The following BMP1 variants were observed in gnomAD, a reference collection of about 807,000 sequenced individuals.
The protein encoded by BMP1 is bone morphogenetic protein 1, also known as mammalian tolloid protein.
A neutral mutation model predicts 116.8 loss-of-function variants in BMP1; 63 were observed. The observed-to-expected ratio is 0.54, with a 90% CI of 0.44 to 0.67. The LOEUF (loss-of-function observed/expected upper bound fraction) is 0.67, where lower values mean the gene tolerates loss of function less well. BMP1 is among the 30% of genes least tolerant of loss of function. The pLI, the probability that BMP1 is intolerant of heterozygous loss-of-function variation, is 0.00. For missense variants in BMP1, 1,183 were observed against 1,358.9 expected (o/e 0.87, Z 2.04); for synonymous variants, 536 against 533.4 (o/e 1.00, Z -0.07).
intron 9 of BMP1, 43 bp downstream of exon 9, chr8:22,192,194 C>T: frequency 6.6e-7 from 1 of 1,523,802 alleles, no homozygotes; most frequent in Non-Finnish European, 9.1e-7. Context: ...TGCTGATTCC[C>T]TCTCTGAGCC....
At chr8:22,201,658 C>T (rs1306170446) in intron 15 of BMP1, 145 bp from the exon 16 acceptor site, 2 of 1,421,586 alleles carry the variant, frequency 1.4e-6, no homozygotes, top group African/African-American at 2.9e-5. Flanking sequence ...TGGCCTCCCA[C>T]TCCCGGCCAC....
chr8:22,180,383 T>G lies in BMP1; in HGVS notation c.977T>G (p.Leu326Arg). 4.3e-6 allele frequency: 7 copies of G among 1,613,830 alleles called. No homozygotes were observed. The highest frequency in any genetic ancestry group is 5.9e-6 in the Non-Finnish European group (7 of 1,179,782). ...TTCCTCACAGCCTGTGGAGAGACCCTGCAAGACAGCACAGGCAACTTCTCC... is the reference window on the plus strand; with the variant it reads ...TTCCTCACAGCCTGTGGAGAGACCCGGCAAGACAGCACAGGCAACTTCTCC... ...LYKCPACGET[L>R]QDSTGNFSSP... Residue 326 changes from leucine (L) to arginine (R), a missense_variant, in exon 8 of 20, where the codon CTG (leucine) becomes CGG (arginine). Physicochemically the swap from Leu to Arg is moderately radical, Grantham distance 102. This residue lies in a region of BMP1 where 956 missense variants were observed against 1,135.2 expected (regional missense o/e 0.84). Coordinates refer to ENST00000306385, the MANE Select transcript of BMP1 (RefSeq NM_006129.5).
chr8:22,207,485 G>C lies in BMP1; in HGVS notation c.2544G>C (p.Gln848His). ...FLRFYSDNSVQRKGFQASHAT... is the reference protein window; with the variant it reads ...FLRFYSDNSVHRKGFQASHAT... ...GCTTCTACTCAGATAACTCGGTCCA[G>C]CGAAAGGGCTTCCAGGCCTCCCACG... The change falls in exon 18 of 20, where the codon CAG (glutamine) becomes CAC (histidine). Residue 848 changes from glutamine to histidine, a missense_variant. By Grantham distance (24) the Gln-to-His change is conservative. Around this residue, in one of 4 missense-constraint regions of BMP1, gnomAD observed 956 missense variants for 1,135.2 expected, o/e 0.84. Transcript: ENST00000306385. The C allele has an allele frequency of 1.9e-6, 3 of 1,613,752 alleles. No homozygotes were observed. Among genetic ancestry groups the C allele is most frequent in the Non-Finnish European group, 2.5e-6 (3 of 1,180,032 alleles).
chr8:22,197,093 C>G (rs1829114962), intron 14 of BMP1, 147 bp from the exon 15 acceptor site: 1 of 1,124,376 alleles, frequency 8.9e-7, no homozygotes, highest in South Asian at 1.6e-5. Flanking sequence ...AGGCTTAGGG[C>G]TGGCTTGGCG....
At chr8:22,201,448 A>C in intron 15 of BMP1, 2 of 1,407,294 alleles carry the variant, frequency 1.4e-6, no homozygotes, top group Non-Finnish European at 1.8e-6. Flanking sequence ...GTGAAGTAAA[A>C]GAGGGACCCC....
chr8:22,179,943 T>A lies in BMP1; in HGVS notation c.961+114T>A. 5.7e-6 allele frequency: 7 copies of A among 1,219,512 alleles called. No individual in the cohort carries two copies. The highest frequency in any genetic ancestry group is 7.9e-6 in the Non-Finnish European group (7 of 886,486). The allele number at this position is 1,219,512 out of a possible 1,614,324, so 75.5% of individuals were successfully genotyped here. A position where few individuals can be genotyped will look rare whatever the true frequency, so the allele number is the denominator to read the frequency against. On this transcript the variant is annotated intron_variant, in intron 7 of 19. Coordinates refer to ENST00000306385, the MANE Select transcript of BMP1 (RefSeq NM_006129.5). This position sits in a 1 kb window ranked among gnomAD's most constrained non-coding sequence, Gnocchi z 4.6. ...AGGCTGCAAGTCTTAGAGAATGGTG[T>A]GGCGGGGGAGGGGACCCCATAGGAG...
At chr8:22,207,223 C>T (rs1020080742) in intron 17 of BMP1, 80 bp from the exon 18 acceptor site, 3 of 1,486,526 alleles carry the variant, frequency 2.0e-6, no homozygotes, top group Admixed American at 3.5e-5. Context: ...ATCTGTGAGG[C>T]CTAGGTTTGG....
intron 16 of BMP1, among the ~76,000 whole-genome samples, chr8:22,205,257 GC>G (rs1288653865): frequency 1.3e-5 from 2 of 152,158 alleles, no homozygotes; most frequent in Non-Finnish European, 2.9e-5. Context: ...GAGAGATGGA[GC>G]TGGTAAAGGC....
At position 22,184,422 on chromosome 8, in the gene BMP1, T is replaced by C. The variant is rs530681986; in HGVS notation, c.1077+3939T>C. On this transcript the variant is annotated intron_variant, in intron 8 of 19. Coordinates refer to ENST00000306385, the MANE Select transcript of BMP1 (RefSeq NM_006129.5). The stretch of plus-strand genomic sequence containing the variant: ...CTGTCCTTTTTTTCAGAAGCTTGCC[T>C]GGAGCTGCAGAAAGAGAAAAGGGCT... Among the ~76,000 whole-genome samples the C allele has an allele frequency of 2.0e-5, 3 of 152,304 alleles. No individual in the cohort carries two copies. In the South Asian group the frequency reaches 6.2e-4, roughly 32 times the overall value.
At position 22,173,704 on chromosome 8, in the gene BMP1, T is replaced by C; in HGVS notation, c.251T>C (p.Ile84Thr). Residue 84 changes from isoleucine (I) to threonine (T), a missense_variant, in exon 2 of 20, where the codon ATC (isoleucine) becomes ACC (threonine). Physicochemically the swap from Ile to Thr is moderately conservative, Grantham distance 89. Coordinates refer to ENST00000306385, the MANE Select transcript of BMP1 (RefSeq NM_006129.5). ...CGGCACACAGCTCGTAAGTCCTCCA[T>C]CAAAGCTGCAGGTAAGCCGGGTGCC... Reference protein sequence around the residue: ...LRRHTARKSSIKAAVPGNTST... With the variant: ...LRRHTARKSSTKAAVPGNTST... 6.2e-7 allele frequency: 1 copy of C among 1,611,534 alleles called. No homozygotes were observed. The highest frequency in any genetic ancestry group is 8.5e-7 in the Non-Finnish European group (1 of 1,178,514).
intron 8 of BMP1, among the ~76,000 whole-genome samples, chr8:22,188,097 A>T (rs1488475225): frequency 2.0e-5 from 3 of 151,324 alleles, no homozygotes; most frequent in Non-Finnish European, 2.9e-5. Flanking sequence ...TTCGGGGTGC[A>T]CCAGAAGACT....
At chr8:22,195,352 GC>G (rs1370994853) in intron 12 of BMP1, 109 bp from the exon 13 acceptor site, 1 of 1,393,568 alleles carries the variant, frequency 7.2e-7, no homozygotes, top group African/African-American at 1.5e-5. Flanking sequence ...TGGGGTTCCA[GC>G]CATCGGGGAG....
At chr8:22,206,397 G>A (rs1034790896) in intron 16 of BMP1, among the ~76,000 whole-genome samples, 3 of 151,902 alleles carry the variant, frequency 2.0e-5, no homozygotes, top group Non-Finnish European at 4.4e-5. Flanking sequence ...AGATACTGAG[G>A]AGGCTAAGGC....
At position 22,194,838 on chromosome 8, in the gene BMP1, A is replaced by G. The variant is rs1829035187; in HGVS notation, c.1558A>G (p.Ser520Gly). ...CTATGAGAAGCCTGATGACATCAAG[A>G]GCACGTCCAGCCGCCTCTGGCTCAA... ...CGYEKPDDIKSTSSRLWLKFV... is the reference protein window; with the variant it reads ...CGYEKPDDIKGTSSRLWLKFV... The change falls in exon 12 of 20, where the codon AGC (serine) becomes GGC (glycine). Residue 520 changes from serine (S) to glycine (G), a missense_variant. Around this residue, in one of 4 missense-constraint regions of BMP1, gnomAD observed 956 missense variants for 1,135.2 expected, o/e 0.84. Transcript: ENST00000306385. The surrounding 1 kb of genome is among the most constrained non-coding windows in gnomAD (Gnocchi z 4.5). 1 of 1,612,444 alleles carries G rather than the reference A, an allele frequency of 6.2e-7. No homozygotes were observed. Among genetic ancestry groups the G allele is most frequent in the African/African-American group, 1.3e-5 (1 of 74,994 alleles).
intron 15 of BMP1, among the ~76,000 whole-genome samples, chr8:22,199,970 C>G (rs956646297): frequency 2.6e-5 from 4 of 152,202 alleles, no homozygotes; most frequent in African/African-American, 9.7e-5. Flanking sequence ...CGCTTGGGCC[C>G]CAGTCCTGAT....
At chr8:22,184,745 G>A (rs1004895875) in intron 8 of BMP1, among the ~76,000 whole-genome samples, 2 of 152,226 alleles carry the variant, frequency 1.3e-5, no homozygotes, top group Non-Finnish European at 2.9e-5. Context: ...AGAGAATGGA[G>A]GCTTCAAGCG....
intron 9 of BMP1, among the ~76,000 whole-genome samples, chr8:22,193,149 T>A (rs1282762549): frequency 6.6e-6 from 1 of 152,236 alleles, no homozygotes; most frequent in Non-Finnish European, 1.5e-5. Context: ...CATTCCTAGT[T>A]GATTCTTGAC....
At chr8:22,187,649 C>T (rs963190437) in intron 8 of BMP1, among the ~76,000 whole-genome samples, 5 of 151,558 alleles carry the variant, frequency 3.3e-5, no homozygotes, top group African/African-American at 9.7e-5. Context: ...GTGCCCGGCC[C>T]CCAGCCCCTA....
rs1181802167 is a variant in BMP1, at chr8:22,177,822, C to A, written c.731-30C>A. 6 of 1,522,978 alleles carry A rather than the reference C, an allele frequency of 3.9e-6. No homozygotes were observed. The East Asian group carries it at 1.1e-4, about 29-fold the overall frequency. 94.3% of individuals were successfully genotyped at this position (1,522,978 alleles called of 1,614,324 possible). A position where few individuals can be genotyped will look rare whatever the true frequency, so the allele number is the denominator to read the frequency against. ...CCCAGGCAGACCCACCCCCTCCTCTCCCCCCACACCCTTTTCCTGATCTTG... is the reference window on the plus strand; with the variant it reads ...CCCAGGCAGACCCACCCCCTCCTCTACCCCCACACCCTTTTCCTGATCTTG... On this transcript the variant is annotated intron_variant, in intron 5 of 19. Transcript: ENST00000306385.
Sources: allele counts gnomAD v4.1 joint callset (sites outside exome capture counted in the v4.1 genomes callset), GRCh38; gene constraint gnomAD v4.1.1; regional missense constraint gnomAD v4.1.1; non-coding constraint Gnocchi (gnomAD v3.1); transcripts MANE v1.5; gene names NCBI Gene and HGNC (gene_info 2026-07-23, HGNC 2026-07-21).